KIF1B: variants seen among roughly 807,000 people sequenced by gnomAD.
KIF1B encodes the protein kinesin-like protein KIF1B.
Under a neutral mutation model 241.9 loss-of-function variants are expected in KIF1B, and 76 were observed. That is an observed-to-expected ratio of 0.31 (90% CI 0.26 to 0.38). The LOEUF is 0.38. KIF1B is among the 10% of genes least tolerant of loss of function. KIF1B has a pLI of 1.00. For missense variants in KIF1B, 1,622 were observed against 2,271.4 expected (o/e 0.71, Z 5.81); for synonymous variants, 750 against 796.7 (o/e 0.94, Z 0.99).
intron 7 of KIF1B, among the ~76,000 whole-genome samples, chr1:10,269,877 A>G (rs529614193): frequency 1.3e-5 from 2 of 152,338 alleles, no homozygotes; most frequent in South Asian, 2.1e-4. Context: ...GCCAGAGGTT[A>G]TAATATTAGT....
At position 10,365,105 on chromosome 1, in the gene KIF1B, C is replaced by T; in HGVS notation, c.4372C>T (p.Gln1458Ter). ...KMSDTGSPGM[Q>*]RRRRKILDTS... Reference sequence around the variant, plus strand: ...CTTGTTTCCTCTTGTCTTAGGTATGCAGAGAAGGAGAAGAAAAATCTTAGA... The same window carrying T: ...CTTGTTTCCTCTTGTCTTAGGTATGTAGAGAAGGAGAAGAAAAATCTTAGA... The change falls in exon 42 of 49, where the codon CAG (glutamine) becomes TAG (stop). Residue 1458 changes from glutamine (Q) to a stop codon, truncating the protein, a stop_gained. Coordinates refer to ENST00000676179, the MANE Select transcript of KIF1B (RefSeq NM_001365951.3). LOFTEE classifies it high-confidence loss of function. This position sits in a 1 kb window ranked among gnomAD's most constrained non-coding sequence, Gnocchi z 4.0. 6.2e-7 allele frequency: 1 copy of T among 1,613,324 alleles called. No homozygotes were observed. Among genetic ancestry groups the T allele is most frequent in the Non-Finnish European group, 8.5e-7 (1 of 1,179,794 alleles).
intron 2 of KIF1B, among the ~76,000 whole-genome samples, chr1:10,243,481 C>T (rs537622484): frequency 2.6e-5 from 4 of 152,324 alleles, no homozygotes; most frequent in South Asian, 2.1e-4. Flanking sequence ...AAACAACAAA[C>T]GCTTAAGTTG....
intron 1 of KIF1B, among the ~76,000 whole-genome samples, chr1:10,212,279 T>A (rs1646703401): frequency 6.6e-6 from 1 of 152,230 alleles, no homozygotes; most frequent in Non-Finnish European, 1.5e-5. Flanking sequence ...AGTTCTTGTG[T>A]TCCTCTAAGA....
chr1:10,330,597 C>A (rs1468513171), intron 27 of KIF1B, among the ~76,000 whole-genome samples: 2 of 152,254 alleles, frequency 1.3e-5, no homozygotes, highest in East Asian at 3.9e-4. Context: ...GAAAAATCAA[C>A]CTAGTATAAG....
At chr1:10,342,787 G>A (rs1652449427) in intron 33 of KIF1B, among the ~76,000 whole-genome samples, 1 of 152,130 alleles carries the variant, frequency 6.6e-6, no homozygotes, top group Non-Finnish European at 1.5e-5. Context: ...AAAAAACAGG[G>A]TTTATTGATT....
At chr1:10,274,982 TTTGAA>T (rs376195914) in intron 10 of KIF1B, 23 of 348,644 alleles carry the variant, frequency 6.6e-5, no homozygotes, top group African/African-American at 5.1e-4. Context: ...TGTTTAATTT[TTTGAA>T]TTTGGTCATT....
At chr1:10,229,867 CAAAAAAAAAAAAAA>C (rs58923572) in intron 1 of KIF1B, among the ~76,000 whole-genome samples, 4 of 56,452 alleles carry the variant, frequency 7.1e-5, no homozygotes, top group African/African-American at 9.2e-5. Context: ...GACTCCGTCT[CAAAAAAAAAAAAAA>C]AAAAAAAAAA....
At position 10,331,881 on chromosome 1, in the gene KIF1B, A is replaced by G. The variant is rs372285162; in HGVS notation, c.2925-2639A>G. ...GTTTTTATTGCTTTTTTAAAAAAGT[A>G]GTAGCTACACAATAAAGAAGAAAAT... On this transcript the variant is annotated intron_variant, in intron 27 of 48. Transcript: ENST00000676179. Among the ~76,000 whole-genome samples, 55 of 152,364 alleles carry G rather than the reference A, an allele frequency of 3.6e-4. No individual in the cohort carries two copies. In the East Asian group the frequency reaches 7.5e-3, roughly 21 times the overall value.
intron 5 of KIF1B, 121 bp from the exon 6 acceptor site, chr1:10,267,259 C>T: frequency 1.3e-6 from 1 of 770,700 alleles, no homozygotes; most frequent in Non-Finnish European, 2.3e-6. Context: ...TTCGAGTGAT[C>T]TCAAGTGATC....
chr1:10,289,895 C>G (rs1475730214), intron 15 of KIF1B, among the ~76,000 whole-genome samples: 1 of 151,804 alleles, frequency 6.6e-6, no homozygotes, highest in Non-Finnish European at 1.5e-5. Context: ...AACAGACAAA[C>G]AAACAAACAA....
intron 15 of KIF1B, among the ~76,000 whole-genome samples, chr1:10,285,470 T>C (rs1649640252): frequency 6.6e-6 from 1 of 152,202 alleles, no homozygotes; most frequent in Non-Finnish European, 1.5e-5. Context: ...GAACTCTCCT[T>C]CCGACTTCCC....
At chr1:10,356,224 G>A (rs1010227894) in intron 38 of KIF1B, among the ~76,000 whole-genome samples, 1 of 152,010 alleles carries the variant, frequency 6.6e-6, no homozygotes, top group African/African-American at 2.4e-5. Flanking sequence ...AAATTAGCCT[G>A]GCATGATGGT....
intron 22 of KIF1B, among the ~76,000 whole-genome samples, chr1:10,313,607 G>A (rs1451118491): frequency 1.4e-5 from 2 of 143,570 alleles, no homozygotes; most frequent in Non-Finnish European, 3.0e-5. Flanking sequence ...CTGGAGTGCA[G>A]TGGCGCAATC....
At chr1:10,264,892 AC>A (rs1283369745) in intron 5 of KIF1B, among the ~76,000 whole-genome samples, 2 of 152,104 alleles carry the variant, frequency 1.3e-5, no homozygotes, top group Admixed American at 6.6e-5. Flanking sequence ...CGAACTCCTG[AC>A]CTCATGATCC....
intron 1 of KIF1B, among the ~76,000 whole-genome samples, chr1:10,218,680 C>G (rs1448375240): frequency 6.6e-6 from 1 of 152,186 alleles, no homozygotes; most frequent in African/African-American, 2.4e-5. Context: ...CTTGGCCTCC[C>G]AAAGTGTTGG....
At chr1:10,341,639 G>C (rs553924705) in intron 32 of KIF1B, among the ~76,000 whole-genome samples, 2 of 152,288 alleles carry the variant, frequency 1.3e-5, no homozygotes, top group South Asian at 2.1e-4. Context: ...CAAGAGTCCT[G>C]CATAGTAAAA....
intron 27 of KIF1B, among the ~76,000 whole-genome samples, chr1:10,328,456 A>G (rs1651802649): frequency 6.6e-6 from 1 of 152,256 alleles, no homozygotes; most frequent in Non-Finnish European, 1.5e-5. Context: ...ATTGTTTTCT[A>G]CTGGCATATC....
At chr1:10,336,154 A>AT (rs1035831752) in intron 28 of KIF1B, among the ~76,000 whole-genome samples, 62 of 152,254 alleles carry the variant, frequency 4.1e-4, no homozygotes, top group African/African-American at 1.5e-3. Context: ...AATAAAACTG[A>AT]TTCTTTTTTT....
At chr1:10,297,100 A>T (rs767242542) in intron 21 of KIF1B, 23 bp downstream of exon 21, 1 of 1,613,602 alleles carries the variant, frequency 6.2e-7, no homozygotes, top group African/African-American at 1.3e-5. Context: ...TACGCAGCCC[A>T]TATGACTGTT....
Sources: gnomAD v4.1 joint callset for allele counts (sites outside exome capture counted in the v4.1 genomes callset) on GRCh38, gnomAD v4.1.1 for gene constraint, Gnocchi (gnomAD v3.1) non-coding constraint, MANE v1.5 for transcripts, NCBI Gene and HGNC (gene_info 2026-07-23, HGNC 2026-07-21) for gene names.